Variants in TMEM39A observed in about 807,000 individuals in gnomAD.
TMEM39A encodes the protein suppressor of SQST-1 aggregates in rpl-43 mutants.
Under a neutral mutation model 51.9 loss-of-function variants are expected in TMEM39A, and 19 were observed. The ratio of observed to expected loss-of-function variants is 0.37; its 90% CI spans 0.26 to 0.54. The LOEUF is 0.54. Ranked by LOEUF, TMEM39A falls within the 20% of genes least tolerant of loss-of-function variation. The pLI, the probability that TMEM39A is intolerant of heterozygous loss-of-function variation, is 0.88. For synonymous variants in TMEM39A, 197 were observed against 220.2 expected, an observed-to-expected ratio of 0.89 and a Z score of 0.93; for missense variants, 433 against 590.5, an observed-to-expected ratio of 0.73 and a Z score of 2.76.
intron 1 of TMEM39A, 140 bp from the exon 2 acceptor site, chr3:119,462,288 T>A: frequency 2.0e-6 from 1 of 508,878 alleles, no homozygotes; most frequent in East Asian, 3.5e-5. Flanking sequence ...CTTACGTTAT[T>A]CGAATTAAAG....
At chr3:119,449,980 G>C (rs1056925265) in intron 4 of TMEM39A, among the ~76,000 whole-genome samples, 1 of 152,090 alleles carries the variant, frequency 6.6e-6, no homozygotes, top group South Asian at 2.1e-4. Flanking sequence ...CTTTCTCAGG[G>C]TAGGGATCCT....
chr3:119,442,985 G>A (rs910401820), intron 5 of TMEM39A, among the ~76,000 whole-genome samples: 2 of 148,006 alleles, frequency 1.4e-5, no homozygotes, highest in East Asian at 2.0e-4. Context: ...AGGATCACTT[G>A]AGCCCAGGAG....
At chr3:119,453,656 T>C (rs139154537) in intron 3 of TMEM39A, among the ~76,000 whole-genome samples, 10 of 152,302 alleles carry the variant, frequency 6.6e-5, no homozygotes, top group Non-Finnish European at 1.5e-4. Context: ...CCTTGGACCA[T>C]GGTTTGGAAG....
intron 3 of TMEM39A, among the ~76,000 whole-genome samples, chr3:119,456,481 GATTTTGGCCCAC>G (rs966066128): frequency 6.6e-6 from 1 of 152,126 alleles, no homozygotes; most frequent in Non-Finnish European, 1.5e-5. Context: ...CTATCTTAAG[GATTTTGGCCCAC>G]ATTTCCTTTC....
chr3:119,429,009 G>A lies in TMEM39A; in HGVS notation c.*2972C>T, dbSNP rs891114639. 2.6e-5 allele frequency among the ~76,000 whole-genome samples: 4 copies of A among 152,082 alleles called. No individual in the cohort carries two copies. The highest frequency in any genetic ancestry group is 6.6e-5 in the Admixed American group (1 of 15,246). Reference sequence around the variant, plus strand: ...GGCTTCACACTCAAGATTGTTAATAGATCTGATATCTATTACGTATCTCAT... The same window carrying A: ...GGCTTCACACTCAAGATTGTTAATAAATCTGATATCTATTACGTATCTCAT... On this transcript the variant is annotated 3_prime_UTR_variant, in exon 9 of 9. Coordinates refer to ENST00000319172, the MANE Select transcript of TMEM39A (RefSeq NM_018266.3).
At chr3:119,432,915 G>T (rs1449951490) in intron 8 of TMEM39A, among the ~76,000 whole-genome samples, 1 of 152,040 alleles carries the variant, frequency 6.6e-6, no homozygotes, top group Non-Finnish European at 1.5e-5. Context: ...GTCAGAATTA[G>T]ACTAAAAATA....
intron 4 of TMEM39A, chr3:119,451,458 T>C (rs1378368398): frequency 2.2e-6 from 1 of 453,040 alleles, no homozygotes; most frequent in African/African-American, 2.1e-5. Context: ...CATTTTTTGT[T>C]TTTGTAATCA....
chr3:119,432,202 G>A lies in TMEM39A; in HGVS notation c.1246C>T (p.Arg416Ter), dbSNP rs1482536063. Residue 416 changes from arginine (R) to a stop codon, truncating the protein, a stop_gained, in exon 9 of 9, where the codon CGA becomes TGA. Coordinates refer to ENST00000319172, the MANE Select transcript of TMEM39A (RefSeq NM_018266.3). LOFTEE classifies it high-confidence loss of function. ...AGCAGATTTAACAGCCTTAATGGTC[G>A]ATGAAATAAGAACTGTAAGGAAGTT... ...SHARFYFLFH[R>*]PLRLLNLLIL... 3.7e-6 allele frequency: 6 copies of A among 1,609,198 alleles called. No individual in the cohort carries two copies. The highest frequency in any genetic ancestry group is 3.4e-6 in the Non-Finnish European group (4 of 1,177,130).
Position 119,463,604 on chromosome 3 carries a change from A to T in TMEM39A, c.-343T>A. On this transcript the variant is annotated 5_prime_UTR_variant, in exon 1 of 9. Coordinates refer to ENST00000319172, the MANE Select transcript of TMEM39A (RefSeq NM_018266.3). Reference sequence around the variant, plus strand: ...TCAGCACCCATCCCTAGCCTCCATTACCGCGGAGCTGAGCAGACGTGGCAG... The same window carrying T: ...TCAGCACCCATCCCTAGCCTCCATTTCCGCGGAGCTGAGCAGACGTGGCAG... 1 of 398,726 alleles carries T rather than the reference A, an allele frequency of 2.5e-6. No homozygotes were observed. Among genetic ancestry groups the T allele is most frequent in the South Asian group, 1.3e-4 (1 of 7,872 alleles). 24.7% of individuals were successfully genotyped at this position (398,726 alleles called of 1,614,324 possible).
At chr3:119,433,905 G>A (rs2107657392) in intron 8 of TMEM39A, among the ~76,000 whole-genome samples, 1 of 152,144 alleles carries the variant, frequency 6.6e-6, no homozygotes, top group African/African-American at 2.4e-5. Context: ...TAATTGAAGT[G>A]TCCCTCAATA....
At chr3:119,437,604 A>T (rs2080988177) in intron 6 of TMEM39A, 151 bp downstream of exon 6, 1 of 488,030 alleles carries the variant, frequency 2.0e-6, no homozygotes, top group Non-Finnish European at 3.6e-6. Context: ...GCCAACCAGG[A>T]GCGGTATTAG....
intron 7 of TMEM39A, chr3:119,436,552 T>C (rs2080970241): frequency 2.6e-6 from 1 of 380,574 alleles, no homozygotes; most frequent in Admixed American, 4.1e-5. Context: ...GGGAGACAAA[T>C]TACACACACT....
intron 6 of TMEM39A, among the ~76,000 whole-genome samples, 198 bp downstream of exon 6, chr3:119,437,557 C>T (rs2080987097): frequency 6.6e-6 from 1 of 151,000 alleles, no homozygotes; most frequent in Non-Finnish European, 1.5e-5. Context: ...AAGAGGGAAC[C>T]ACCACGGGTG....
chr3:119,435,709 GC>G, intron 7 of TMEM39A: 15 of 997,616 alleles, frequency 1.5e-5, no homozygotes, highest in Non-Finnish European at 1.8e-5. Context: ...GCACCCTAAA[GC>G]TTTCCCAGTT....
At chr3:119,452,837 T>C (rs2081218250) in intron 3 of TMEM39A, among the ~76,000 whole-genome samples, 1 of 152,228 alleles carries the variant, frequency 6.6e-6, no homozygotes, top group Non-Finnish European at 1.5e-5. Context: ...ACCTGCAGAA[T>C]TATGGCAAGA....
chr3:119,448,459 C>T (rs1042658679), intron 4 of TMEM39A, among the ~76,000 whole-genome samples: 4 of 152,156 alleles, frequency 2.6e-5, no homozygotes, highest in African/African-American at 4.8e-5. Flanking sequence ...TCTTAGTTTA[C>T]AGATCATATT....
In TMEM39A at chr3:119,458,175, C is replaced by T. The variant is rs148164574; in HGVS notation, c.179G>A (p.Arg60His). ...AGGCAAGTCAGGAATTTGGCAATGA[C>T]GAACAGGACCTGGGGTGATTAAGGC... is the stretch of plus-strand genomic sequence containing the variant. ...ITALITPGPV[R>H]HCQIPDLPVD... Residue 60 changes from arginine to histidine, a missense_variant, in exon 3 of 9, where the codon CGT becomes CAT. Physicochemically the swap from Arg to His is conservative, Grantham distance 29. Around this residue, in one of 3 missense-constraint regions of TMEM39A, gnomAD observed 170 missense variants for 239.8 expected, o/e 0.71. Coordinates refer to ENST00000319172, the MANE Select transcript of TMEM39A (RefSeq NM_018266.3). 12 of 1,614,050 alleles carry T rather than the reference C, an allele frequency of 7.4e-6. No individual in the cohort carries two copies. Among genetic ancestry groups the T allele is most frequent in the East Asian group, 2.2e-5 (1 of 44,894 alleles).
At chr3:119,435,429 T>TCACA (rs35089447) in intron 7 of TMEM39A, 33 of 981,200 alleles carry the variant, frequency 3.4e-5, no homozygotes, top group South Asian at 2.4e-4. Flanking sequence ...GCGATACATC[T>TCACA]CACACACACA....
At chr3:119,440,332 G>T (rs1577052038) in intron 5 of TMEM39A, among the ~76,000 whole-genome samples, 1 of 152,174 alleles carries the variant, frequency 6.6e-6, no homozygotes, top group East Asian at 1.9e-4. Flanking sequence ...ACAATGGAGG[G>T]CTTTGTGAGG....
Sources: allele counts gnomAD v4.1 joint callset (sites outside exome capture counted in the v4.1 genomes callset), GRCh38; gene constraint gnomAD v4.1.1; regional missense constraint gnomAD v4.1.1; transcripts MANE v1.5; gene names NCBI Gene and HGNC (gene_info 2026-07-23, HGNC 2026-07-21).